PTPRD: variants seen among roughly 807,000 people sequenced by gnomAD.
PTPRD encodes protein tyrosine phosphatase receptor type D.
Under a neutral mutation model 214.5 loss-of-function variants are expected in PTPRD, and 34 were observed. That is an observed-to-expected ratio of 0.16 (90% CI 0.12 to 0.21). The LOEUF (loss-of-function observed/expected upper bound fraction) is 0.21. Ranked by LOEUF, PTPRD falls within the 10% of genes least tolerant of loss-of-function variation. The probability of loss-of-function intolerance (pLI) is 1.00; values close to 1 mark genes in which losing one functional copy is unlikely to be tolerated. For synonymous variants in PTPRD, 1,128 were observed against 845.7 expected, an observed-to-expected ratio of 1.33 and a Z score of -5.79; for missense variants, 2,545 against 2,398.7, an observed-to-expected ratio of 1.06 and a Z score of -1.27.
At chr9:8,612,020 G>C (rs527735589) in intron 14 of PTPRD, among the ~76,000 whole-genome samples, 4 of 151,524 alleles carry the variant, frequency 2.6e-5, no homozygotes, top group African/African-American at 9.7e-5. Flanking sequence ...AAGAGAGCAG[G>C]AATAGCATTC....
chr9:9,738,592 C>A (rs2098343100), intron 6 of PTPRD, among the ~76,000 whole-genome samples: 1 of 151,730 alleles, frequency 6.6e-6, no homozygotes, highest in Non-Finnish European at 1.5e-5. Flanking sequence ...GCACGTGCCA[C>A]CATCACGCCT....
intron 14 of PTPRD, among the ~76,000 whole-genome samples, chr9:8,560,315 T>A (rs373825411): frequency 7.9e-5 from 12 of 152,220 alleles, no homozygotes; most frequent in African/African-American, 2.9e-4. Flanking sequence ...TATCTGTCCA[T>A]AACCAAGTTT....
intron 2 of PTPRD, among the ~76,000 whole-genome samples, chr9:10,492,977 A>G (rs1322205518): frequency 6.6e-6 from 1 of 152,154 alleles, no homozygotes; most frequent in African/African-American, 2.4e-5. Flanking sequence ...TAGCCACATA[A>G]TAAGAGAACT....
At chr9:10,261,499 T>C (rs2093697284) in intron 3 of PTPRD, among the ~76,000 whole-genome samples, 1 of 151,958 alleles carries the variant, frequency 6.6e-6, no homozygotes, top group Non-Finnish European at 1.5e-5. Context: ...AAATGCTCAG[T>C]AAAATAATGA....
At chr9:8,697,730 T>C (rs1365433556) in intron 12 of PTPRD, among the ~76,000 whole-genome samples, 3 of 152,076 alleles carry the variant, frequency 2.0e-5, no homozygotes, top group Non-Finnish European at 4.4e-5. Context: ...GGCCTGGATT[T>C]TTTTAAAGAC....
At chr9:8,345,634 C>T (rs997781886) in intron 39 of PTPRD, among the ~76,000 whole-genome samples, 3 of 151,970 alleles carry the variant, frequency 2.0e-5, no homozygotes, top group Non-Finnish European at 2.9e-5. Context: ...TAATCCAAAA[C>T]AGGTAGTACA....
At chr9:9,065,783 G>C (rs1335519525) in intron 10 of PTPRD, among the ~76,000 whole-genome samples, 2 of 152,076 alleles carry the variant, frequency 1.3e-5, no homozygotes, top group Non-Finnish European at 2.9e-5. Flanking sequence ...AAGGCTTCCA[G>C]AGTTTTTCCA....
At chr9:8,359,107 C>CAA (rs749802631) in intron 39 of PTPRD, among the ~76,000 whole-genome samples, 120 of 9,836 alleles carry the variant, frequency 0.012, 21 homozygotes, top group African/African-American at 0.059. Context: ...GACTCCGTCT[C>CAA]AAAAAAAAAA....
At chr9:10,128,031 A>G (rs974816101) in intron 3 of PTPRD, among the ~76,000 whole-genome samples, 2 of 152,116 alleles carry the variant, frequency 1.3e-5, no homozygotes, top group African/African-American at 4.8e-5. Context: ...AGCTACAATA[A>G]GTCTGTAAAG....
chr9:9,314,061 C>T (rs1192749007), intron 9 of PTPRD, among the ~76,000 whole-genome samples: 1 of 152,102 alleles, frequency 6.6e-6, no homozygotes, highest in Non-Finnish European at 1.5e-5. Context: ...TATTTCTCAA[C>T]ATTTCCTGCC....
intron 8 of PTPRD, among the ~76,000 whole-genome samples, chr9:9,520,032 G>C (rs771873897): frequency 1.3e-5 from 2 of 151,918 alleles, no homozygotes; most frequent in Non-Finnish European, 2.9e-5. Context: ...TTAGAATAAA[G>C]TTGGTACTTC....
intron 4 of PTPRD, among the ~76,000 whole-genome samples, chr9:9,960,325 G>A (rs185383629): frequency 2.0e-5 from 3 of 152,026 alleles, no homozygotes; most frequent in African/African-American, 7.2e-5. Context: ...AATAAGAGGT[G>A]ATGAGGAAAA....
chr9:9,924,897 TG>T (rs2153891663), intron 5 of PTPRD, among the ~76,000 whole-genome samples: 1 of 152,264 alleles, frequency 6.6e-6, no homozygotes, highest in Non-Finnish European at 1.5e-5. Flanking sequence ...CTTCTGTCCT[TG>T]CTTTCAACTC....
intron 9 of PTPRD, among the ~76,000 whole-genome samples, chr9:9,242,094 T>A (rs1441432016): frequency 2.0e-5 from 3 of 152,080 alleles, no homozygotes; most frequent in Non-Finnish European, 4.4e-5. Flanking sequence ...TATTTCTCCT[T>A]CACTTATGAA....
chr9:9,640,383 A>C (rs1337540477), intron 7 of PTPRD, among the ~76,000 whole-genome samples: 1 of 152,200 alleles, frequency 6.6e-6, no homozygotes, highest in African/African-American at 2.4e-5. Context: ...GTGTGAAAGC[A>C]ATGAAGCAGA....
At chr9:9,314,217 C>T (rs769516883) in intron 9 of PTPRD, among the ~76,000 whole-genome samples, 7 of 152,042 alleles carry the variant, frequency 4.6e-5, no homozygotes, top group Non-Finnish European at 8.8e-5. Flanking sequence ...AAAAAGAGGA[C>T]TGCTCTATTC....
chr9:8,967,859 C>T lies in PTPRD; in HGVS notation c.-104+50838G>A, dbSNP rs560359303. On this transcript the variant is annotated intron_variant, in intron 11 of 45. Coordinates refer to ENST00000381196, the MANE Select transcript of PTPRD (RefSeq NM_002839.4). The stretch of plus-strand genomic sequence containing the variant: ...TGTTGGTGTGCTGCATCCATTAACT[C>T]GTCATTTAGCATTAGGTATATCTCC... Among the ~76,000 whole-genome samples, 5 of 152,054 alleles carry T rather than the reference C, an allele frequency of 3.3e-5. No homozygotes were observed. The South Asian group carries it at 1.0e-3, about 32-fold the overall frequency.
At chr9:9,492,645 A>T (rs2095968348) in intron 8 of PTPRD, among the ~76,000 whole-genome samples, 1 of 152,070 alleles carries the variant, frequency 6.6e-6, no homozygotes, top group Non-Finnish European at 1.5e-5. Context: ...ACTAGAAGGA[A>T]AGTATTCCAA....
rs77901283 is a variant in PTPRD at position 9,904,970 on chromosome 9, A to C, written c.-368+33537T>G. On this transcript the variant is annotated intron_variant, in intron 5 of 45. Coordinates refer to ENST00000381196, the MANE Select transcript of PTPRD (RefSeq NM_002839.4). ...TAAAGAACAACATGCATAAACATGG[A>C]TTTTTTTGTGTGCTTAAATCATCTT... Among the ~76,000 whole-genome samples, 945 of 152,112 alleles carry C rather than the reference A, an allele frequency of 6.2e-3. 11 individuals carry two copies. Among genetic ancestry groups the C allele is most frequent in the African/African-American group, 0.022 (904 of 41,522 alleles).
Sources: allele counts gnomAD v4.1 joint callset (sites outside exome capture counted in the v4.1 genomes callset), GRCh38; gene constraint gnomAD v4.1.1; transcripts MANE v1.5; gene names NCBI Gene and HGNC (gene_info 2026-07-23, HGNC 2026-07-21).